C10orf143: variants seen among roughly 807,000 people sequenced by gnomAD.
C10orf143 encodes chromosome 10 open reading frame 143.
intron 3 of C10orf143, among the ~76,000 whole-genome samples, chr10:130,072,692 C>T (rs1436399507): frequency 6.6e-6 from 1 of 152,068 alleles, no homozygotes; most frequent in African/African-American, 2.4e-5. Context: ...ACATGGCAGG[C>T]TTGGTTGCAG....
Position 130,079,561 on chromosome 10 carries a change from C to T in C10orf143, c.297+5G>A. 2 of 399,066 alleles carry T rather than the reference C, an allele frequency of 5.0e-6. No homozygotes were observed. Among genetic ancestry groups the T allele is most frequent in the Non-Finnish European group, 4.4e-6 (1 of 226,076 alleles). 24.7% of individuals were successfully genotyped at this position (399,066 alleles called of 1,614,324 possible). ...ATGTCACAGCAAGAAGGTTAATGCACTTACAGATTCCCCTGCAATACATCT... is the reference window on the plus strand; with the variant it reads ...ATGTCACAGCAAGAAGGTTAATGCATTTACAGATTCCCCTGCAATACATCT... On this transcript the variant is annotated splice_donor_5th_base_variant and intron_variant, in intron 3 of 3. Coordinates refer to ENST00000637128, the MANE Select transcript of C10orf143 (RefSeq NM_001355042.2).
At chr10:130,105,757 A>T (rs1378077639) in intron 1 of C10orf143, among the ~76,000 whole-genome samples, 2 of 151,962 alleles carry the variant, frequency 1.3e-5, no homozygotes, top group Non-Finnish European at 2.9e-5. Context: ...AAACAAAACA[A>T]AACAAAACTC....
intron 1 of C10orf143, chr10:130,108,548 C>T: frequency 1.6e-6 from 1 of 615,666 alleles, no homozygotes; most frequent in East Asian, 2.8e-5. Flanking sequence ...CAAATTGAAA[C>T]TTAATGGAAT....
chr10:130,059,899 C>G (rs1338333660), downstream of C10orf143, among the ~76,000 whole-genome samples: 1 of 152,088 alleles, frequency 6.6e-6, no homozygotes, highest in Admixed American at 6.5e-5. Flanking sequence ...CAAAAGCTAG[C>G]TATTTCATGA....
At chr10:130,093,525 CAT>C (rs1861415106) in intron 1 of C10orf143, among the ~76,000 whole-genome samples, 1 of 152,034 alleles carries the variant, frequency 6.6e-6, no homozygotes, top group South Asian at 2.1e-4. Context: ...AGAGCAAACA[CAT>C]TCAGAAGCTA....
At chr10:130,107,932 T>C in intron 1 of C10orf143, 1 of 1,400,384 alleles carries the variant, frequency 7.1e-7, no homozygotes, top group South Asian at 1.2e-5. Context: ...ATTCTAACTC[T>C]GGTGGACTGT....
chr10:130,071,004 C>A (rs988491423), intron 3 of C10orf143, among the ~76,000 whole-genome samples: 2 of 151,310 alleles, frequency 1.3e-5, no homozygotes, highest in East Asian at 3.9e-4. Context: ...CAACTTCCAC[C>A]TCACAGGCTC....
chr10:130,073,797 A>AT (rs1234078645), intron 3 of C10orf143, among the ~76,000 whole-genome samples: 2 of 152,252 alleles, frequency 1.3e-5, no homozygotes, highest in Admixed American at 1.3e-4. Context: ...ACAGTTAAAA[A>AT]TTTTTTTAAA....
chr10:130,083,215 A>G (rs1165420645), intron 1 of C10orf143, among the ~76,000 whole-genome samples: 5 of 152,222 alleles, frequency 3.3e-5, no homozygotes, highest in Admixed American at 6.5e-5. Context: ...ATACAAATTA[A>G]GTCAACATCA....
intron 1 of C10orf143, among the ~76,000 whole-genome samples, chr10:130,092,412 G>A (rs1332037042): frequency 2.0e-5 from 3 of 152,116 alleles, no homozygotes; most frequent in African/African-American, 7.2e-5. Context: ...AGCTCCTGAG[G>A]GAAGCATTAA....
Position 130,075,767 on chromosome 10 carries a change from A to G in C10orf143, c.297+3799T>C, listed in dbSNP as rs114783076. On this transcript the variant is annotated intron_variant, in intron 3 of 3. Transcript: ENST00000637128. Reference sequence around the variant, plus strand: ...ATGAGATCTGGTTGTTTGAAAGTGCATAGCACTTCCCCTCTGGCGCTCTCT... The same window carrying G: ...ATGAGATCTGGTTGTTTGAAAGTGCGTAGCACTTCCCCTCTGGCGCTCTCT... Among the ~76,000 whole-genome samples the G allele has an allele frequency of 8.5e-3, 1,292 of 152,136 alleles. 14 individuals are homozygous for G. The highest frequency in any genetic ancestry group is 0.029 in the African/African-American group (1,215 of 41,488).
chr10:130,106,924 G>C (rs1434312036), intron 1 of C10orf143: 2 of 1,012,636 alleles, frequency 2.0e-6, no homozygotes, highest in Non-Finnish European at 3.2e-6. Context: ...ACTTAGAAGT[G>C]AACAGTGAAT....
chr10:130,042,993 A>G (rs1397991285), intron 3 of C10orf143, among the ~76,000 whole-genome samples: 2 of 152,004 alleles, frequency 1.3e-5, no homozygotes, highest in African/African-American at 4.8e-5. Context: ...CCAGGAAAAA[A>G]CTCGGAGACA....
At chr10:130,044,389 C>T (rs1487361866) in intron 3 of C10orf143, among the ~76,000 whole-genome samples, 1 of 152,064 alleles carries the variant, frequency 6.6e-6, no homozygotes, top group Non-Finnish European at 1.5e-5. Flanking sequence ...CTCCTCCAGC[C>T]CAGCCCAGCC....
At chr10:130,041,071 T>A (rs2134722424) in intron 3 of C10orf143, among the ~76,000 whole-genome samples, 1 of 152,330 alleles carries the variant, frequency 6.6e-6, no homozygotes, top group East Asian at 1.9e-4. Context: ...CCTAATGGTA[T>A]CACCTCTTCC....
chr10:130,061,213 C>T (rs770950892), downstream of C10orf143, among the ~76,000 whole-genome samples: 21 of 152,070 alleles, frequency 1.4e-4, no homozygotes, highest in Non-Finnish European at 2.4e-4. Context: ...TTTGAAAGGA[C>T]GCACATCAAA....
chr10:130,043,531 C>A (rs1860631011), intron 3 of C10orf143, among the ~76,000 whole-genome samples: 1 of 152,230 alleles, frequency 6.6e-6, no homozygotes, highest in Non-Finnish European at 1.5e-5. Context: ...AGCAGAAAGT[C>A]TCTCCCCAAC....
chr10:130,093,049 A>G (rs1480458208), intron 1 of C10orf143, among the ~76,000 whole-genome samples: 2 of 152,216 alleles, frequency 1.3e-5, no homozygotes, highest in Admixed American at 6.5e-5. Context: ...ATTTGAACTC[A>G]GCTCTCGACT....
At chr10:130,037,683 A>C (rs940921644) in intron 3 of C10orf143, among the ~76,000 whole-genome samples, 2 of 152,224 alleles carry the variant, frequency 1.3e-5, no homozygotes, top group African/African-American at 2.4e-5. Context: ...ACCCCAAGGA[A>C]ATCAATGCGG....
Sources: allele counts gnomAD v4.1 joint callset (sites outside exome capture counted in the v4.1 genomes callset), GRCh38; gene constraint gnomAD v4.1.1; transcripts MANE v1.5; gene names NCBI Gene and HGNC (gene_info 2026-07-23, HGNC 2026-07-21).